The following ARHGEF38 variants were observed in gnomAD, a reference collection of about 807,000 sequenced individuals.
ARHGEF38 encodes Rho guanine nucleotide exchange factor (GEF) 38.
Under a neutral mutation model 79.9 loss-of-function variants are expected in ARHGEF38, and 79 were observed. The ratio of observed to expected loss-of-function variants is 0.99; its 90% CI spans 0.82 to 1.19. The LOEUF (loss-of-function observed/expected upper bound fraction) is 1.19, where lower values mean the gene tolerates loss of function less well. ARHGEF38 is among the 50% of genes most tolerant of loss of function. The probability of loss-of-function intolerance (pLI) is 0.00; values close to 1 mark genes in which losing one functional copy is unlikely to be tolerated. For missense variants in ARHGEF38, 962 were observed against 907.2 expected (o/e 1.06, Z -0.78); for synonymous variants, 366 against 328.3 (o/e 1.11, Z -1.24).
At chr4:105,652,614 A>G (rs1730150840) in intron 7 of ARHGEF38, among the ~76,000 whole-genome samples, 1 of 152,216 alleles carries the variant, frequency 6.6e-6, no homozygotes, top group Non-Finnish European at 1.5e-5. Flanking sequence ...GAATTGGGCA[A>G]TATTTCTCAC....
intron 1 of ARHGEF38, chr4:105,561,539 A>AGAATAGAATAGAATAGAATG (rs1459477083): frequency 2.0e-5 from 3 of 146,400 alleles, no homozygotes; most frequent in South Asian, 2.2e-4. Context: ...AGAATAGAAT[A>AGAATAGAATAGAATAGAATG]GAAAAGTTTC....
chr4:105,591,544 A>T (rs958225898), intron 2 of ARHGEF38, among the ~76,000 whole-genome samples: 2 of 152,180 alleles, frequency 1.3e-5, no homozygotes, highest in African/African-American at 2.4e-5. Context: ...AATATTTTTT[A>T]AAAAACCATC....
chr4:105,673,266 T>C (rs1731014323), intron 13 of ARHGEF38, among the ~76,000 whole-genome samples: 1 of 151,984 alleles, frequency 6.6e-6, no homozygotes, highest in African/African-American at 2.4e-5. Context: ...CCTTCCAGAG[T>C]GTCTAAGATG....
chr4:105,601,573 T>A (rs889195091), intron 2 of ARHGEF38, among the ~76,000 whole-genome samples: 9 of 152,104 alleles, frequency 5.9e-5, no homozygotes, highest in African/African-American at 2.2e-4. Context: ...TTGGGGAGGC[T>A]GTACAGAACA....
At chr4:105,613,000 C>A (rs921113) in intron 2 of ARHGEF38, among the ~76,000 whole-genome samples, 50,850 of 151,926 alleles carry the variant, frequency 0.33, 12,550 homozygotes, top group African/African-American at 0.7. Context: ...CTTTGAAAAT[C>A]GTTACTTGCC....
chr4:105,679,840 A>G lies in ARHGEF38; in HGVS notation c.*1903A>G. ...GGATATAGGACTCAATATCCTGAGG[A>G]GGAGAACTTTGAATCACCAGGTCAA... On this transcript the variant is annotated 3_prime_UTR_variant, in exon 14 of 14. Transcript: ENST00000420470. 1 of 1,382,490 alleles carries G rather than the reference A, an allele frequency of 7.2e-7. No individual in the cohort carries two copies. The highest frequency in any genetic ancestry group is 1.0e-6 in the Non-Finnish European group (1 of 974,254). 85.6% of individuals were successfully genotyped at this position (1,382,490 alleles called of 1,614,324 possible).
intron 2 of ARHGEF38, among the ~76,000 whole-genome samples, chr4:105,596,421 A>G (rs1054693355): frequency 1.3e-5 from 2 of 152,116 alleles, no homozygotes; most frequent in Non-Finnish European, 1.5e-5. Flanking sequence ...CCTGTCAGAG[A>G]AGGCTGCGTG....
chr4:105,564,623 T>C (rs1725799538), intron 1 of ARHGEF38, among the ~76,000 whole-genome samples: 1 of 152,226 alleles, frequency 6.6e-6, no homozygotes, highest in Non-Finnish European at 1.5e-5. Flanking sequence ...TAGTTAACAT[T>C]GTAAATTTTA....
intron 4 of ARHGEF38, among the ~76,000 whole-genome samples, chr4:105,632,363 G>T (rs555081484): frequency 1.3e-5 from 2 of 152,202 alleles, no homozygotes; most frequent in South Asian, 4.1e-4. Context: ...CTTAGATTCT[G>T]CCCTAAGGAA....
At chr4:105,681,627 C>T (rs1311694450), downstream of ARHGEF38, among the ~76,000 whole-genome samples, 1 of 152,166 alleles carries the variant, frequency 6.6e-6, no homozygotes, top group African/African-American at 2.4e-5. Flanking sequence ...ACAACGCAGA[C>T]CTTCCACATT....
intron 3 of ARHGEF38, among the ~76,000 whole-genome samples, chr4:105,626,193 G>A (rs367912466): frequency 3.9e-5 from 6 of 152,012 alleles, no homozygotes; most frequent in South Asian, 4.1e-4. Flanking sequence ...AATTAAACTC[G>A]TCATCTTTCT....
intron 1 of ARHGEF38, among the ~76,000 whole-genome samples, chr4:105,554,799 G>A (rs924781636): frequency 2.0e-5 from 3 of 152,002 alleles, no homozygotes; most frequent in African/African-American, 7.3e-5. Flanking sequence ...GGAATAATGG[G>A]TACCATAATG....
At chr4:105,561,459 A>AGAATAGAATGGAATGGAATG (rs1578253525) in intron 1 of ARHGEF38, 15 of 38,072 alleles carry the variant, frequency 3.9e-4, no homozygotes, top group African/African-American at 1.5e-3. Flanking sequence ...GGAATAGAAT[A>AGAATAGAATGGAATGGAATG]GAATAGAATA....
intron 2 of ARHGEF38, among the ~76,000 whole-genome samples, chr4:105,601,547 A>T (rs1025669628): frequency 6.6e-6 from 1 of 152,094 alleles, no homozygotes; most frequent in Admixed American, 6.6e-5. Flanking sequence ...AATAGGGCTC[A>T]TTTCCCACTG....
At chr4:105,646,333 A>G (rs1345832693) in intron 6 of ARHGEF38, among the ~76,000 whole-genome samples, 2 of 152,236 alleles carry the variant, frequency 1.3e-5, no homozygotes, top group African/African-American at 4.8e-5. Context: ...CTGACATTAA[A>G]TCAATAAAAA....
intron 9 of ARHGEF38, among the ~76,000 whole-genome samples, chr4:105,658,145 T>G (rs969380178): frequency 6.6e-6 from 1 of 152,192 alleles, no homozygotes; most frequent in African/African-American, 2.4e-5. Flanking sequence ...CTTAATCCTT[T>G]AATGTATTTA....
intron 5 of ARHGEF38, 126 bp from the exon 6 acceptor site, chr4:105,645,062 A>G (rs1186077880): frequency 1.2e-6 from 1 of 821,606 alleles, no homozygotes; most frequent in East Asian, 3.0e-5. Flanking sequence ...TTTTATTTAG[A>G]AATTTTAGAT....
chr4:105,638,080 G>T (rs142172113), intron 5 of ARHGEF38, among the ~76,000 whole-genome samples: 632 of 152,254 alleles, frequency 4.2e-3, no homozygotes, highest in Non-Finnish European at 6.1e-3. Flanking sequence ...AATGTCAAGT[G>T]CTGTGTAATT....
chr4:105,650,407 C>T (rs761252168), intron 7 of ARHGEF38, among the ~76,000 whole-genome samples: 1 of 152,156 alleles, frequency 6.6e-6, no homozygotes, highest in Non-Finnish European at 1.5e-5. Flanking sequence ...CCAATATCTC[C>T]CCTGCCCTAA....
Sources: gnomAD v4.1 joint callset for allele counts (sites outside exome capture counted in the v4.1 genomes callset) on GRCh38, gnomAD v4.1.1 for gene constraint, MANE v1.5 for transcripts, NCBI Gene and HGNC (gene_info 2026-07-23, HGNC 2026-07-21) for gene names.